The following EIF4G3 variants were observed in gnomAD, a reference collection of about 807,000 sequenced individuals.
The protein encoded by EIF4G3 is eukaryotic translation initiation factor 4 gamma 3, also known as eIF-4-gamma 3.
A neutral mutation model predicts 186.4 loss-of-function variants in EIF4G3; 34 were observed. The observed-to-expected ratio is 0.18, with a 90% CI of 0.14 to 0.24. The LOEUF (loss-of-function observed/expected upper bound fraction) is 0.24, where lower values mean the gene tolerates loss of function less well. EIF4G3 is among the 10% of genes least tolerant of loss of function. The probability of loss-of-function intolerance (pLI) is 1.00; values close to 1 mark genes in which losing one functional copy is unlikely to be tolerated. For missense variants in EIF4G3, 1,536 were observed against 1,948.5 expected, an observed-to-expected ratio of 0.79 and a Z score of 3.99; for synonymous variants, 673 against 679.5, an observed-to-expected ratio of 0.99 and a Z score of 0.15.
intron 11 of EIF4G3, among the ~76,000 whole-genome samples, chr1:20,970,069 T>A (rs1025938832): frequency 6.6e-6 from 1 of 152,064 alleles, no homozygotes; most frequent in African/African-American, 2.4e-5. Context: ...GTTCAAGCGA[T>A]TCTCGTGCCT....
At chr1:21,074,424 A>G (rs2095527310) in intron 3 of EIF4G3, among the ~76,000 whole-genome samples, 1 of 152,234 alleles carries the variant, frequency 6.6e-6, no homozygotes, top group Non-Finnish European at 1.5e-5. Context: ...AATGCCTAAC[A>G]TTATGAAAAT....
intron 18 of EIF4G3, chr1:20,893,202 C>A: frequency 4.9e-6 from 1 of 204,164 alleles, no homozygotes; most frequent in Non-Finnish European, 9.7e-6. Context: ...AAAGTGCTAG[C>A]ATTACAGACC....
intron 29 of EIF4G3, 103 bp from the exon 30 acceptor site, chr1:20,841,131 C>G: frequency 8.7e-7 from 1 of 1,152,662 alleles, no homozygotes; most frequent in African/African-American, 1.6e-5. Flanking sequence ...TCAGTAGAAA[C>G]TTCCATGAAC....
chr1:20,997,919 A>T (rs909225522), intron 6 of EIF4G3, among the ~76,000 whole-genome samples: 1 of 61,260 alleles, frequency 1.6e-5, no homozygotes, highest in African/African-American at 5.1e-5. Context: ...GGATTATTTA[A>T]AAAAAAAAAA....
intron 24 of EIF4G3, 138 bp downstream of exon 24, chr1:20,860,247 A>G (rs2154551720): frequency 1.7e-6 from 2 of 1,189,114 alleles, no homozygotes; most frequent in South Asian, 1.6e-5. Context: ...TCTTCAGGTG[A>G]AACTGCTTCA....
chr1:20,928,284 C>T (rs577478282), intron 14 of EIF4G3, among the ~76,000 whole-genome samples: 4 of 152,256 alleles, frequency 2.6e-5, no homozygotes, highest in African/African-American at 9.6e-5. Context: ...TACACAAATA[C>T]TCCTGTATCT....
At chr1:21,003,599 G>C (rs1443365918) in intron 4 of EIF4G3, 2 of 307,494 alleles carry the variant, frequency 6.5e-6, no homozygotes, top group Admixed American at 7.5e-5. Flanking sequence ...CCTCTTCAAG[G>C]TCCATGATGC....
Position 20,942,061 on chromosome 1 carries a change from C to T in EIF4G3, c.1093G>A (p.Asp365Asn), listed in dbSNP as rs2095738080. 1 of 1,614,134 alleles carries T rather than the reference C, an allele frequency of 6.2e-7. No homozygotes were observed. The highest frequency in any genetic ancestry group is 8.5e-7 in the Non-Finnish European group (1 of 1,180,022). The change falls in exon 14 of 37, where the codon GAC becomes AAC. Residue 365 changes from aspartate to asparagine, a missense_variant. This residue lies in a region of EIF4G3 where 560 missense variants were observed against 547.8 expected (regional missense o/e 1.02). Coordinates refer to ENST00000602326, the MANE Select transcript of EIF4G3 (RefSeq NM_001391906.1). ...GTGAGGCTGGGTATAGGAATTGTGT[C>T]TTCTCTTGGGGATGAGAGTTCACAT... The part of the protein sequence containing the change: ...DRCELSSPRE[D>N]TIPIPSLTSC...
At chr1:21,034,769 G>A (rs1241975513) in intron 4 of EIF4G3, among the ~76,000 whole-genome samples, 2 of 152,190 alleles carry the variant, frequency 1.3e-5, no homozygotes, top group African/African-American at 2.4e-5. Flanking sequence ...CCAGGTTCCC[G>A]TACTTCGGCA....
chr1:21,032,736 C>T (rs2092846737), intron 4 of EIF4G3, among the ~76,000 whole-genome samples: 1 of 152,034 alleles, frequency 6.6e-6, no homozygotes, highest in African/African-American at 2.4e-5. Flanking sequence ...TGTGTAATTT[C>T]TTCTGCCTAC....
rs879113467 is a variant in EIF4G3 at position 20,855,124 on chromosome 1, T to A, written c.3340-53A>T. 18 of 1,406,260 alleles carry A rather than the reference T, an allele frequency of 1.3e-5. No individual in the cohort carries two copies. The South Asian group carries it at 2.1e-4, about 16-fold the overall frequency. 87.1% of individuals were successfully genotyped at this position (1,406,260 alleles called of 1,614,324 possible). ...TATAGGAAATATTCTAGAAGAATAG[T>A]TTTTCTTTTATTTTTTTCTTCTTCA... On this transcript the variant is annotated intron_variant, in intron 25 of 36. Transcript: ENST00000602326.
At position 21,002,705 on chromosome 1, in the gene EIF4G3, T is replaced by A; in HGVS notation, c.30+8A>T. The A allele has an allele frequency of 6.2e-7, 1 of 1,613,058 alleles. No homozygotes were observed. Among genetic ancestry groups the A allele is most frequent in the East Asian group, 2.2e-5 (1 of 44,834 alleles). ...AATGTAATTTGGTTCAAGCTTCTGC[T>A]TACTTACCGGAGAACGGGTTTGAGG... is the stretch of plus-strand genomic sequence containing the variant. On this transcript the variant is annotated splice_region_variant and intron_variant, in intron 5 of 36. Coordinates refer to ENST00000602326, the MANE Select transcript of EIF4G3 (RefSeq NM_001391906.1).
At chr1:21,035,255 T>C (rs2093086372) in intron 4 of EIF4G3, among the ~76,000 whole-genome samples, 1 of 152,214 alleles carries the variant, frequency 6.6e-6, no homozygotes, top group African/African-American at 2.4e-5. Flanking sequence ...CACCTGCACC[T>C]TACCTGCCGT....
chr1:20,906,853 G>A (rs1379333656), intron 14 of EIF4G3, among the ~76,000 whole-genome samples: 1 of 151,548 alleles, frequency 6.6e-6, no homozygotes, highest in African/African-American at 2.4e-5. Flanking sequence ...CACCCCTAAT[G>A]CCCAGTGAGG....
intron 16 of EIF4G3, among the ~76,000 whole-genome samples, 194 bp from the exon 17 acceptor site, chr1:20,895,695 T>C (rs2087741837): frequency 1.3e-5 from 2 of 152,214 alleles, no homozygotes; most frequent in African/African-American, 4.8e-5. Context: ...GGCAGCACAA[T>C]GCATTATTCA....
chr1:20,951,579 T>A (rs2096221486), intron 12 of EIF4G3, among the ~76,000 whole-genome samples: 1 of 152,160 alleles, frequency 6.6e-6, no homozygotes, highest in African/African-American at 2.4e-5. Context: ...ATTTTTCAGT[T>A]CTATAGGCTG....
intron 36 of EIF4G3, 23 bp from the exon 37 acceptor site, chr1:20,807,523 T>A: frequency 6.4e-7 from 1 of 1,567,242 alleles, no homozygotes; most frequent in Non-Finnish European, 8.7e-7. Flanking sequence ...GAAAATAAAC[T>A]ATAAGCTTTG....
intron 12 of EIF4G3, 65 bp downstream of exon 12, chr1:20,969,405 GAAGA>G (rs553636169): frequency 1.8e-5 from 28 of 1,561,786 alleles, no homozygotes; most frequent in South Asian, 2.3e-5. Flanking sequence ...AGTGGCTATA[GAAGA>G]AAGAAGAGTT....
chr1:20,907,540 C>T (rs1210353460), intron 14 of EIF4G3, among the ~76,000 whole-genome samples: 1 of 149,682 alleles, frequency 6.7e-6, no homozygotes, highest in Non-Finnish European at 1.5e-5. Context: ...ATCCCTCCCC[C>T]CTCCCCCAAC....
Sources: allele counts gnomAD v4.1 joint callset (sites outside exome capture counted in the v4.1 genomes callset), GRCh38; gene constraint gnomAD v4.1.1; regional missense constraint gnomAD v4.1.1; transcripts MANE v1.5; gene names NCBI Gene and HGNC (gene_info 2026-07-23, HGNC 2026-07-21).